SOX5: variants seen among roughly 807,000 people sequenced by gnomAD.
The protein encoded by SOX5 is SRY-box transcription factor 5, also known as transcription factor SOX-5.
SOX5 carries 9 observed loss-of-function variants against 92.0 expected under a neutral mutation model. The ratio of observed to expected loss-of-function variants is 0.10; its 90% CI spans 0.06 to 0.17. SOX5 has a LOEUF of 0.17. SOX5 is among the 10% of genes least tolerant of loss of function. The pLI is 1.00. For synonymous variants in SOX5, 344 were observed against 336.3 expected (o/e 1.02, Z -0.25); for missense variants, 642 against 944.5 (o/e 0.68, Z 4.20).
At chr12:24,441,834 G>A (rs909253772) in intron 1 of SOX5, among the ~76,000 whole-genome samples, 7 of 152,016 alleles carry the variant, frequency 4.6e-5, no homozygotes, top group East Asian at 3.8e-4. Flanking sequence ...CTGTTGGAAC[G>A]GCACTCTGCA....
intron 3 of SOX5, among the ~76,000 whole-genome samples, chr12:23,756,078 A>G (rs2094362289): frequency 6.6e-6 from 1 of 151,808 alleles, no homozygotes; most frequent in South Asian, 2.1e-4. Context: ...TTATGTTGAT[A>G]AAATGCGGAG....
chr12:23,565,662 A>G (rs551895488), intron 10 of SOX5, among the ~76,000 whole-genome samples: 1 of 152,312 alleles, frequency 6.6e-6, no homozygotes, highest in Non-Finnish European at 1.5e-5. Flanking sequence ...GTTATTTCCA[A>G]TTTGAGATGT....
intron 6 of SOX5, among the ~76,000 whole-genome samples, chr12:23,721,188 C>A (rs554719915): frequency 1.3e-5 from 2 of 152,066 alleles, no homozygotes; most frequent in African/African-American, 4.8e-5. Flanking sequence ...CAGGTTCAAG[C>A]GATTCTCCTG....
chr12:24,053,294 A>T (rs182002821), intron 4 of SOX5, among the ~76,000 whole-genome samples: 38 of 151,036 alleles, frequency 2.5e-4, no homozygotes, highest in African/African-American at 7.6e-4. Context: ...CACTTGGCCA[A>T]TTTTTTTATA....
chr12:24,562,574 C>T (rs1011125605), upstream of SOX5: 1 of 152,876 alleles, frequency 6.5e-6, no homozygotes, highest in Admixed American at 6.5e-5. Flanking sequence ...CTCTCAAGGA[C>T]GAGGTGAAAT....
chr12:24,337,318 T>G (rs1167462127), intron 2 of SOX5, among the ~76,000 whole-genome samples: 1 of 151,266 alleles, frequency 6.6e-6, no homozygotes, highest in African/African-American at 2.4e-5. Flanking sequence ...TTATTGGCAT[T>G]ACACCTCTAA....
intron 4 of SOX5, among the ~76,000 whole-genome samples, chr12:23,999,559 T>C (rs1162204334): frequency 2.0e-5 from 3 of 152,134 alleles, no homozygotes; most frequent in African/African-American, 7.2e-5. Flanking sequence ...AATCACACTG[T>C]ACACCTAGAA....
At chr12:24,479,821 A>T (rs1194448964) in intron 1 of SOX5, among the ~76,000 whole-genome samples, 2 of 152,012 alleles carry the variant, frequency 1.3e-5, no homozygotes, top group Non-Finnish European at 2.9e-5. Flanking sequence ...GCCCACCACC[A>T]TGCCTGGCTA....
rs144307420 is a variant in SOX5 at position 24,145,851 on chromosome 12, G to A, written c.-2+67492C>T. 1.6e-3 allele frequency among the ~76,000 whole-genome samples: 251 copies of A among 152,236 alleles called. 6 individuals carry two copies. In the East Asian group the frequency reaches 0.039, roughly 23 times the overall value. ...GCTGAAGTGGGTATATTAATAGCAG[G>A]CAAAGTAATTTTCCAAAGAAAGAAT... On this transcript the variant is annotated intron_variant, in intron 4 of 4. Coordinates refer to the SOX5 transcript ENST00000446891.
chr12:24,440,119 G>C (rs1940238648), intron 1 of SOX5, among the ~76,000 whole-genome samples: 1 of 152,178 alleles, frequency 6.6e-6, no homozygotes, highest in African/African-American at 2.4e-5. Flanking sequence ...AAGTAAGATA[G>C]GAGAGGTCTT....
intron 2 of SOX5, among the ~76,000 whole-genome samples, chr12:23,879,197 T>C (rs372828579): frequency 6.6e-6 from 1 of 152,238 alleles, no homozygotes; most frequent in Non-Finnish European, 1.5e-5. Flanking sequence ...TAACACCATA[T>C]CAACTTACCT....
chr12:24,520,177 C>T (rs1345363732), intron 1 of SOX5, among the ~76,000 whole-genome samples: 2 of 152,060 alleles, frequency 1.3e-5, no homozygotes, highest in African/African-American at 4.8e-5. Flanking sequence ...TGAAGAAATG[C>T]TTAAAGGAGT....
chr12:24,068,188 G>A (rs996446398), intron 4 of SOX5, among the ~76,000 whole-genome samples: 4 of 152,202 alleles, frequency 2.6e-5, no homozygotes, highest in East Asian at 1.9e-4. Flanking sequence ...ATAAGTAAAG[G>A]GAAATTAGCA....
intron 1 of SOX5, among the ~76,000 whole-genome samples, chr12:23,923,185 T>G (rs1239287079): frequency 2.0e-5 from 3 of 152,004 alleles, no homozygotes; most frequent in African/African-American, 7.3e-5. Flanking sequence ...GACCTCAATC[T>G]CGTGATCTGC....
At chr12:24,379,144 GA>G (rs1360694533) in intron 1 of SOX5, among the ~76,000 whole-genome samples, 2 of 152,130 alleles carry the variant, frequency 1.3e-5, no homozygotes, top group African/African-American at 2.4e-5. Flanking sequence ...TAGGAGACAG[GA>G]AATTAGCTGA....
At chr12:23,633,474 T>A (rs78728456) in intron 8 of SOX5, among the ~76,000 whole-genome samples, 2,152 of 152,176 alleles carry the variant, frequency 0.014, 45 homozygotes, top group African/African-American at 0.049. Context: ...ATTTTTAATA[T>A]TAAAATGAAC....
chr12:23,938,696 A>C (rs1943079782), intron 1 of SOX5, among the ~76,000 whole-genome samples: 1 of 151,036 alleles, frequency 6.6e-6, no homozygotes, highest in African/African-American at 2.4e-5. Context: ...GATGTCCTAT[A>C]TATAAAATGA....
At chr12:24,424,361 T>C (rs1180224003) in intron 1 of SOX5, among the ~76,000 whole-genome samples, 1 of 152,248 alleles carries the variant, frequency 6.6e-6, no homozygotes, top group Non-Finnish European at 1.5e-5. Context: ...CAATATCTTT[T>C]AATGTTACAC....
Position 24,420,377 on chromosome 12 carries a change from G to C in SOX5, c.-250-51738C>G, listed in dbSNP as rs76866010. Among the ~76,000 whole-genome samples, 677 of 152,250 alleles carry C rather than the reference G, an allele frequency of 4.4e-3. 10 individuals are homozygous for C. In the East Asian group the frequency reaches 0.05, roughly 11 times the overall value. On this transcript the variant is annotated intron_variant, in intron 1 of 4. Coordinates refer to the SOX5 transcript ENST00000446891. The stretch of plus-strand genomic sequence containing the variant: ...CTATCAAAGATAACTACAGCCATGT[G>C]AAAATACTCAAAAGCCAACTTGAAA...
Sources: gnomAD v4.1 joint callset for allele counts (sites outside exome capture counted in the v4.1 genomes callset) on GRCh38, gnomAD v4.1.1 for gene constraint, MANE v1.5 for transcripts, NCBI Gene and HGNC (gene_info 2026-07-23, HGNC 2026-07-21) for gene names.